Variants in RUVBL1 observed in about 807,000 individuals in gnomAD.
The protein encoded by RUVBL1 is ruvB-like 1.
A neutral mutation model predicts 52.4 loss-of-function variants in RUVBL1; 4 were observed. That is an observed-to-expected ratio of 0.08 (90% CI 0.04 to 0.17). The LOEUF (loss-of-function observed/expected upper bound fraction) is 0.17, where lower values mean the gene tolerates loss of function less well. Among genes scored for constraint, RUVBL1 ranks in the 10% least tolerant of loss-of-function variants. RUVBL1 has a pLI of 1.00. For synonymous variants in RUVBL1, 217 were observed against 214.4 expected, an observed-to-expected ratio of 1.01 and a Z score of -0.10; for missense variants, 298 against 572.8, an observed-to-expected ratio of 0.52 and a Z score of 4.90.
intron 8 of RUVBL1, among the ~76,000 whole-genome samples, chr3:128,094,928 C>G (rs1942935235): frequency 1.3e-5 from 2 of 152,224 alleles, no homozygotes; most frequent in South Asian, 4.1e-4. Context: ...AAATTTCCTA[C>G]TAGAACATAG....
In RUVBL1 at chr3:128,140,421, T is replaced by C. The variant is rs149670331; in HGVS notation, c.-40+12782A>G. Among the ~76,000 whole-genome samples the C allele has an allele frequency of 3.6e-3, 544 of 151,912 alleles. 3 individuals are homozygous for C. Among genetic ancestry groups the C allele is most frequent in the Middle Eastern group, 0.014 (4 of 294 alleles). The stretch of plus-strand genomic sequence containing the variant: ...ACGTTTTCAGCAGCATTTGGACTTA[T>C]CCACCTTTCTAATTATTGGCAAGCT... On this transcript the variant is annotated intron_variant, in intron 1 of 9. Transcript: ENST00000464873.
chr3:128,115,521 A>G (rs1943502896), intron 2 of RUVBL1, among the ~76,000 whole-genome samples: 1 of 152,236 alleles, frequency 6.6e-6, no homozygotes, highest in Non-Finnish European at 1.5e-5. Flanking sequence ...GCAGCAAACC[A>G]TTAAGCAGAA....
At position 128,067,844 on chromosome 3, in the gene RUVBL1, C is replaced by A; in HGVS notation, c.940-2624G>T. The A allele has an allele frequency of 1.3e-6, 1 of 760,366 alleles. No homozygotes were observed. Among genetic ancestry groups the A allele is most frequent in the Admixed American group, 2.2e-5 (1 of 46,324 alleles). 47.1% of individuals were successfully genotyped at this position (760,366 alleles called of 1,614,324 possible). A position where few individuals can be genotyped will look rare whatever the true frequency, so the allele number is the denominator to read the frequency against. ...AAAGTTAGACTTTTTCATATGACTT[C>A]CTTGCGGCAGTTTTAAAGTTCTCTG... On this transcript the variant is annotated intron_variant, in intron 9 of 9. Transcript: ENST00000464873. The surrounding 1 kb of genome is among the most constrained non-coding windows in gnomAD (Gnocchi z 4.1).
chr3:128,142,386 G>A (rs1184256888), intron 1 of RUVBL1, among the ~76,000 whole-genome samples: 4 of 152,188 alleles, frequency 2.6e-5, no homozygotes, highest in Non-Finnish European at 5.9e-5. Context: ...TGTGGAATAA[G>A]CCTGGTAAAG....
chr3:128,131,527 C>G lies in RUVBL1; in HGVS notation c.-39-12113G>C, dbSNP rs554880642. 1.6e-3 allele frequency among the ~76,000 whole-genome samples: 234 copies of G among 143,858 alleles called. 1 individual carries two copies. The highest frequency in any genetic ancestry group is 5.8e-3 in the African/African-American group (217 of 37,114). 94.4% of individuals were successfully genotyped at this position (143,858 alleles called of 152,430 possible). A position where few individuals can be genotyped will look rare whatever the true frequency, so the allele number is the denominator to read the frequency against. ...CAAACACTGTAAAACAAACCAACAA[C>G]AACAACAAAAAAAAACAGATCAAGA... On this transcript the variant is annotated intron_variant, in intron 1 of 9. Coordinates refer to the RUVBL1 transcript ENST00000464873.
chr3:128,097,193 C>T lies in RUVBL1; in HGVS notation c.1016+107G>A, dbSNP rs896871144. The T allele has an allele frequency of 3.6e-5, 40 of 1,103,876 alleles. 1 individual carries two copies. The African/African-American group carries it at 4.4e-4, about 12-fold the overall frequency. The allele number at this position is 1,103,876 out of a possible 1,614,324, so 68.4% of individuals were successfully genotyped here. Reference sequence around the variant, plus strand: ...CATTTTCCCTCAAAAACAACATGACCTCCCCTCATCCCTGTCCCACCTCAT... The same window carrying T: ...CATTTTCCCTCAAAAACAACATGACTTCCCCTCATCCCTGTCCCACCTCAT... On this transcript the variant is annotated intron_variant, in intron 8 of 10. Coordinates refer to ENST00000322623, the MANE Select transcript of RUVBL1 (RefSeq NM_003707.3).
At chr3:128,091,915 T>C (rs1043123061) in intron 8 of RUVBL1, among the ~76,000 whole-genome samples, 2 of 152,182 alleles carry the variant, frequency 1.3e-5, no homozygotes, top group Non-Finnish European at 2.9e-5. Flanking sequence ...ATCCTGTAAC[T>C]ACAGGGACAC....
chr3:128,093,449 C>CAA (rs11452118), intron 8 of RUVBL1, among the ~76,000 whole-genome samples: 4,279 of 145,952 alleles, frequency 0.029, 204 homozygotes, highest in African/African-American at 0.099. Flanking sequence ...CTAGAAATCA[C>CAA]AAAAAAAAAC....
chr3:128,139,347 GA>G (rs1182993283), intron 1 of RUVBL1, among the ~76,000 whole-genome samples: 1 of 152,010 alleles, frequency 6.6e-6, no homozygotes, highest in African/African-American at 2.4e-5. Context: ...AACTCAATAG[GA>G]AAAAATCTAA....
At chr3:128,083,350 A>G (rs959122631) in intron 9 of RUVBL1, 7 of 152,282 alleles carry the variant, frequency 4.6e-5, no homozygotes, top group Non-Finnish European at 8.8e-5. Context: ...ACAAGATATC[A>G]AGAAGCCCTT....
At chr3:128,091,978 G>A (rs2107680969) in intron 8 of RUVBL1, among the ~76,000 whole-genome samples, 1 of 152,288 alleles carries the variant, frequency 6.6e-6, no homozygotes, top group South Asian at 2.1e-4. Flanking sequence ...ACACCTCTCT[G>A]GGTAATGTGA....
At chr3:128,146,863 G>A (rs1157530564) in intron 1 of RUVBL1, among the ~76,000 whole-genome samples, 1 of 152,116 alleles carries the variant, frequency 6.6e-6, no homozygotes, top group Non-Finnish European at 1.5e-5. Context: ...CTCTGTGAGT[G>A]TGCATGGCCC....
At chr3:128,153,178 A>G in intron 1 of RUVBL1, 1 of 1,239,102 alleles carries the variant, frequency 8.1e-7, no homozygotes, top group Non-Finnish European at 1.0e-6. Flanking sequence ...ATAGCTATAG[A>G]AAAGTTCTCC....
intron 1 of RUVBL1, among the ~76,000 whole-genome samples, chr3:128,150,666 CAT>C (rs1944173663): frequency 1.6e-5 from 2 of 125,512 alleles, no homozygotes; most frequent in South Asian, 2.3e-4. Flanking sequence ...ATATTCTATA[CAT>C]ATATTCTATA....
At chr3:128,125,712 C>A (rs1439495845), upstream of RUVBL1, among the ~76,000 whole-genome samples, 1 of 152,166 alleles carries the variant, frequency 6.6e-6, no homozygotes, top group African/African-American at 2.4e-5. Flanking sequence ...AGAGGCCAGG[C>A]CTTGGAAGGC....
At chr3:128,066,872 A>G in intron 9 of RUVBL1, 6 of 1,381,800 alleles carry the variant, frequency 4.3e-6, no homozygotes, top group Non-Finnish European at 6.1e-6. Context: ...GGCCCACTGG[A>G]CAGTCCCCGG....
chr3:128,112,555 A>T (rs1347656143), intron 3 of RUVBL1, among the ~76,000 whole-genome samples: 1 of 152,158 alleles, frequency 6.6e-6, no homozygotes, highest in African/African-American at 2.4e-5. Flanking sequence ...GCTTGAGTCC[A>T]AAACCTTTTC....
intron 1 of RUVBL1, among the ~76,000 whole-genome samples, chr3:128,120,730 T>C (rs775013043): frequency 2.2e-4 from 33 of 152,268 alleles, no homozygotes; most frequent in Non-Finnish European, 3.8e-4. Context: ...CCCACACTTA[T>C]GGCAGCCCCT....
rs1375559577 is a variant in RUVBL1, at chr3:128,118,805, T to C, written c.228+523A>G. Among the ~76,000 whole-genome samples the C allele has an allele frequency of 5.3e-5, 8 of 152,344 alleles. No individual in the cohort carries two copies. In the East Asian group the frequency reaches 1.5e-3, roughly 29 times the overall value. On this transcript the variant is annotated intron_variant, in intron 2 of 10. Transcript: ENST00000322623. The stretch of plus-strand genomic sequence containing the variant: ...TAGTCAATACCTCAAAGCTGAGCAC[T>C]CATACTGAGTCCTCCTGTGCTGTCA...
Sources: allele counts gnomAD v4.1 joint callset (sites outside exome capture counted in the v4.1 genomes callset), GRCh38; gene constraint gnomAD v4.1.1; non-coding constraint Gnocchi (gnomAD v3.1); transcripts MANE v1.5; gene names NCBI Gene and HGNC (gene_info 2026-07-23, HGNC 2026-07-21).